The following LRRC4C variants were observed in gnomAD, a reference collection of about 807,000 sequenced individuals.
The protein encoded by LRRC4C is leucine-rich repeat-containing protein 4C.
Under a neutral mutation model 33.6 loss-of-function variants are expected in LRRC4C, and 5 were observed. The observed-to-expected ratio is 0.15, with a 90% CI of 0.08 to 0.31. The LOEUF is 0.31. LRRC4C is among the 10% of genes least tolerant of loss of function. The pLI, the probability that LRRC4C is intolerant of heterozygous loss-of-function variation, is 1.00. For missense variants in LRRC4C, 560 were observed against 796.7 expected, an observed-to-expected ratio of 0.70 and a Z score of 3.58; for synonymous variants, 329 against 302.0, an observed-to-expected ratio of 1.09 and a Z score of -0.93.
intron 4 of LRRC4C, among the ~76,000 whole-genome samples, chr11:40,282,162 A>T (rs1265270528): frequency 6.6e-6 from 1 of 152,180 alleles, no homozygotes; most frequent in African/African-American, 2.4e-5. Context: ...CAGCCTGGCC[A>T]ACATGGTGAA....
In LRRC4C at chr11:40,320,586, A is replaced by G. The variant is rs982540410; in HGVS notation, c.-269-865T>C. Among the ~76,000 whole-genome samples the G allele has an allele frequency of 1.3e-5, 2 of 152,222 alleles. 1 individual carries two copies. The highest frequency in any genetic ancestry group is 6.3e-3 in the Middle Eastern group (2 of 316). On this transcript the variant is annotated intron_variant, in intron 3 of 6. Transcript: ENST00000528697. ...CTCAGTTTGATATAGCATCACAGAA[A>G]ATAAGTAAATATAGACATTGGATTG...
At chr11:40,534,465 G>T (rs1277419992) in intron 3 of LRRC4C, among the ~76,000 whole-genome samples, 1 of 152,126 alleles carries the variant, frequency 6.6e-6, no homozygotes, top group Admixed American at 6.6e-5. Flanking sequence ...AAATTGCAGA[G>T]TCAGAAGCCT....
intron 2 of LRRC4C, among the ~76,000 whole-genome samples, chr11:40,756,190 C>T (rs1948936087): frequency 6.6e-6 from 1 of 151,994 alleles, no homozygotes; most frequent in African/African-American, 2.4e-5. Flanking sequence ...CTTGGACTTC[C>T]AGCCTCCAGA....
At chr11:41,229,789 G>A (rs983375281) in intron 1 of LRRC4C, among the ~76,000 whole-genome samples, 1 of 152,000 alleles carries the variant, frequency 6.6e-6, no homozygotes, top group East Asian at 1.9e-4. Context: ...ATGTCACACC[G>A]AGCATTTAAT....
At chr11:40,527,863 C>T (rs1479996709) in intron 3 of LRRC4C, among the ~76,000 whole-genome samples, 1 of 152,082 alleles carries the variant, frequency 6.6e-6, no homozygotes, top group Non-Finnish European at 1.5e-5. Context: ...ATTCTCCTGC[C>T]TCAGCCTCCC....
chr11:41,330,727 T>C (rs1255729419), intron 1 of LRRC4C, among the ~76,000 whole-genome samples: 1 of 151,992 alleles, frequency 6.6e-6, no homozygotes, highest in Non-Finnish European at 1.5e-5. Flanking sequence ...ACAGTGTAGT[T>C]TTAATAAGAT....
intron 3 of LRRC4C, among the ~76,000 whole-genome samples, chr11:40,593,728 T>G (rs1423130118): frequency 1.3e-5 from 2 of 152,220 alleles, no homozygotes; most frequent in African/African-American, 2.4e-5. Flanking sequence ...ACTAAAAAAC[T>G]GCATAGGGAT....
chr11:41,368,837 A>T (rs551672521), intron 1 of LRRC4C, among the ~76,000 whole-genome samples: 4 of 152,178 alleles, frequency 2.6e-5, no homozygotes, highest in Non-Finnish European at 5.9e-5. Flanking sequence ...TTGTTGCAGG[A>T]GGCATACTTT....
chr11:41,097,372 G>A (rs999818151), intron 1 of LRRC4C, among the ~76,000 whole-genome samples: 2 of 152,060 alleles, frequency 1.3e-5, no homozygotes, highest in Non-Finnish European at 1.5e-5. Context: ...ACAAACTAAA[G>A]ATTCCTATAG....
At chr11:40,529,634 G>T (rs1449276767) in intron 3 of LRRC4C, among the ~76,000 whole-genome samples, 1 of 152,158 alleles carries the variant, frequency 6.6e-6, no homozygotes, top group East Asian at 1.9e-4. Flanking sequence ...GTAGATCAAT[G>T]AAATAAAGTT....
intron 3 of LRRC4C, among the ~76,000 whole-genome samples, chr11:40,420,160 A>G (rs1950472180): frequency 6.6e-6 from 1 of 152,224 alleles, no homozygotes; most frequent in Non-Finnish European, 1.5e-5. Flanking sequence ...GTTGGTGGTG[A>G]CCGTTAGAAA....
intron 3 of LRRC4C, among the ~76,000 whole-genome samples, chr11:40,418,264 A>G (rs891472182): frequency 6.6e-6 from 1 of 152,210 alleles, no homozygotes; most frequent in African/African-American, 2.4e-5. Flanking sequence ...AAAAATTACA[A>G]GAAAAAACAA....
chr11:41,121,310 A>G (rs1287214085), intron 1 of LRRC4C, among the ~76,000 whole-genome samples: 1 of 152,150 alleles, frequency 6.6e-6, no homozygotes, highest in African/African-American at 2.4e-5. Flanking sequence ...TATAACGTTT[A>G]TATATTGTGA....
chr11:40,370,557 AG>A (rs762866838), intron 3 of LRRC4C, among the ~76,000 whole-genome samples: 3 of 152,178 alleles, frequency 2.0e-5, no homozygotes, highest in Non-Finnish European at 4.4e-5. Flanking sequence ...GAGAATAGCA[AG>A]GCCCGCAAAT....
intron 1 of LRRC4C, among the ~76,000 whole-genome samples, chr11:41,086,381 A>C (rs533323127): frequency 6.6e-6 from 1 of 152,286 alleles, no homozygotes; most frequent in Non-Finnish European, 1.5e-5. Context: ...GTTATTTAAT[A>C]AAAGCACTTG....
intron 1 of LRRC4C, among the ~76,000 whole-genome samples, chr11:41,107,459 A>T (rs971572356): frequency 3.9e-5 from 6 of 152,138 alleles, no homozygotes; most frequent in African/African-American, 1.4e-4. Context: ...AATATCTCTC[A>T]TTTATGGCCT....
At chr11:41,142,666 T>C (rs997214976) in intron 1 of LRRC4C, among the ~76,000 whole-genome samples, 3 of 152,120 alleles carry the variant, frequency 2.0e-5, no homozygotes, top group Non-Finnish European at 4.4e-5. Flanking sequence ...TGATGGGTAT[T>C]CATGTTAAAC....
intron 1 of LRRC4C, among the ~76,000 whole-genome samples, chr11:41,277,313 C>A (rs1358733418): frequency 6.6e-6 from 1 of 152,166 alleles, no homozygotes; most frequent in Non-Finnish European, 1.5e-5. Context: ...TATTGATCTT[C>A]TGATAAACTG....
At chr11:40,274,668 A>G (rs1294584981) in intron 4 of LRRC4C, among the ~76,000 whole-genome samples, 1 of 152,106 alleles carries the variant, frequency 6.6e-6, no homozygotes, top group Non-Finnish European at 1.5e-5. Context: ...TTACCTGTAA[A>G]TAGTTCTGTG....
Sources: allele counts gnomAD v4.1 joint callset (sites outside exome capture counted in the v4.1 genomes callset), GRCh38; gene constraint gnomAD v4.1.1; transcripts MANE v1.5; gene names NCBI Gene and HGNC (gene_info 2026-07-23, HGNC 2026-07-21).